The following EYS variants were observed in gnomAD, a reference collection of about 807,000 sequenced individuals.
The protein encoded by EYS is protein eyes shut homolog.
EYS carries 250 observed loss-of-function variants against 282.1 expected under a neutral mutation model. The observed-to-expected ratio is 0.89, with a 90% CI of 0.80 to 0.98. EYS has a LOEUF of 0.98. Among genes scored for constraint, EYS ranks in the 50% least tolerant of loss-of-function variants. The pLI is 0.00. For missense variants in EYS, 4,016 were observed against 3,709.0 expected, an observed-to-expected ratio of 1.08 and a Z score of -2.15; for synonymous variants, 1,355 against 1,282.9, an observed-to-expected ratio of 1.06 and a Z score of -1.20.
chr6:64,421,459 GA>G, intron 28 of EYS, among the ~76,000 whole-genome samples: 1 of 152,094 alleles, frequency 6.6e-6, no homozygotes, highest in Non-Finnish European at 1.5e-5. Context: ...AATTTAGGAT[GA>G]TGTCATTTCT....
intron 22 of EYS, among the ~76,000 whole-genome samples, chr6:64,766,579 C>T (rs1441997394): frequency 7.3e-6 from 1 of 136,220 alleles, no homozygotes; most frequent in Non-Finnish European, 1.6e-5. Context: ...TTGCAGTGAG[C>T]CAAGATCATG....
chr6:65,269,906 A>T (rs1767852271), intron 12 of EYS, among the ~76,000 whole-genome samples: 1 of 152,168 alleles, frequency 6.6e-6, no homozygotes. Flanking sequence ...GAGGGAAAGA[A>T]ATATTCAATT....
intron 11 of EYS, among the ~76,000 whole-genome samples, chr6:65,306,855 A>AAAAAAAAAAAAAAAAAAAAAAAAAC (rs1769023006): frequency 6.8e-6 from 1 of 147,316 alleles, no homozygotes. Context: ...AAAAAAAAAA[A>AAAAAAAAAAAAAAAAAAAAAAAAAC]AAAAAAAGAA....
At chr6:64,350,973 T>G (rs1294106852) in intron 29 of EYS, among the ~76,000 whole-genome samples, 1 of 151,440 alleles carries the variant, frequency 6.6e-6, no homozygotes, top group Non-Finnish European at 1.5e-5. Context: ...CCTGCTGCCA[T>G]GTGTAGAAGG....
intron 5 of EYS, among the ~76,000 whole-genome samples, chr6:65,411,922 T>C (rs954658793): frequency 1.8e-4 from 27 of 152,040 alleles, no homozygotes; most frequent in African/African-American, 6.5e-4. Flanking sequence ...TTTCCAGTTT[T>C]TCACTATTAC....
rs1440308254 is a variant in EYS at position 64,590,341 on chromosome 6, A to C, written c.5526T>G (p.Leu1842=). Residue 1842 remains leucine, a synonymous_variant, in exon 26 of 43, where the codon CTT becomes CTG. Transcript: ENST00000503581. The part of the protein sequence containing the change: ...KTSSEWSKWE[L]QPSVQYQEFP... ...ATTCCTGATATTGCACACTAGGCTG[A>C]AGTTCCCATTTGGACCATTCTGAAG... 6.4e-7 allele frequency: 1 copy of C among 1,551,320 alleles called. No homozygotes were observed. The highest frequency in any genetic ancestry group is 1.2e-5 in the South Asian group (1 of 84,056).
In EYS at chr6:64,440,781, A is replaced by C. The variant is rs1033756259; in HGVS notation, c.5645-1429T>G. On this transcript the variant is annotated intron_variant, in intron 26 of 42. Transcript: ENST00000503581. ...AAGAGCATAAAATGTTTTCAAAAAC[A>C]AACATTACAAGAAGAATATACCCAA... Among the ~76,000 whole-genome samples, 5 of 152,300 alleles carry C rather than the reference A, an allele frequency of 3.3e-5. No individual in the cohort carries two copies. The South Asian group carries it at 6.2e-4, about 19-fold the overall frequency.
At chr6:65,606,473 A>C (rs1328835686) in intron 2 of EYS, among the ~76,000 whole-genome samples, 1 of 151,858 alleles carries the variant, frequency 6.6e-6, no homozygotes, top group African/African-American at 2.4e-5. Context: ...TATAAATAAC[A>C]TTTAGATTAT....
intron 31 of EYS, among the ~76,000 whole-genome samples, chr6:64,185,814 G>A (rs182996506): frequency 2.5e-3 from 383 of 152,206 alleles, no homozygotes; most frequent in Non-Finnish European, 4.1e-3. Flanking sequence ...GTGTCAGAGA[G>A]CTACTTCCAG....
intron 24 of EYS, among the ~76,000 whole-genome samples, chr6:64,605,079 C>T (rs1195686218): frequency 6.6e-6 from 1 of 151,992 alleles, no homozygotes; most frequent in East Asian, 1.9e-4. Context: ...TAATCTAGCA[C>T]ACAATATCAC....
chr6:65,228,713 A>T (rs922416511), intron 12 of EYS, among the ~76,000 whole-genome samples: 9 of 152,072 alleles, frequency 5.9e-5, no homozygotes, highest in African/African-American at 2.2e-4. Context: ...AATGCTACGA[A>T]AAAAATAGTA....
intron 10 of EYS, among the ~76,000 whole-genome samples, chr6:65,343,229 T>C (rs1049498456): frequency 7.3e-5 from 11 of 151,386 alleles, no homozygotes; most frequent in African/African-American, 2.2e-4. Context: ...TTTACAAGGT[T>C]GACTCAATAT....
At chr6:63,912,478 A>T (rs984148533) in intron 35 of EYS, among the ~76,000 whole-genome samples, 1 of 152,208 alleles carries the variant, frequency 6.6e-6, no homozygotes, top group African/African-American at 2.4e-5. Context: ...ACTGTTAATG[A>T]TATATTTTAC....
intron 22 of EYS, among the ~76,000 whole-genome samples, chr6:64,683,344 TA>T (rs34069205): frequency 6.6e-6 from 1 of 151,540 alleles, no homozygotes; most frequent in Non-Finnish European, 1.5e-5. Context: ...TTTAAGGAGT[TA>T]AAAAAAAGGC....
At chr6:65,051,083 C>A (rs187427275) in intron 13 of EYS, among the ~76,000 whole-genome samples, 1 of 151,502 alleles carries the variant, frequency 6.6e-6, no homozygotes, top group African/African-American at 2.4e-5. Flanking sequence ...CTTGTCTATA[C>A]GTAGCTTTAG....
intron 22 of EYS, among the ~76,000 whole-genome samples, chr6:64,763,558 G>T: frequency 6.6e-6 from 1 of 151,860 alleles, no homozygotes; most frequent in Non-Finnish European, 1.5e-5. Flanking sequence ...GATTTTGGTG[G>T]GCACACAGAG....
chr6:65,497,263 T>TGAAGGA (rs1324501215), intron 2 of EYS, among the ~76,000 whole-genome samples: 4 of 152,000 alleles, frequency 2.6e-5, no homozygotes, highest in Non-Finnish European at 4.4e-5. Context: ...AAGAACTCAA[T>TGAAGGA]GAAGGAGACA....
At chr6:65,103,090 A>T (rs1774939248) in intron 12 of EYS, among the ~76,000 whole-genome samples, 1 of 151,388 alleles carries the variant, frequency 6.6e-6, no homozygotes, top group Non-Finnish European at 1.5e-5. Flanking sequence ...TTAGAAAAGC[A>T]AAATCTCTGG....
At chr6:64,951,417 C>A (rs374166340) in intron 14 of EYS, among the ~76,000 whole-genome samples, 40 of 151,982 alleles carry the variant, frequency 2.6e-4, no homozygotes, top group African/African-American at 9.4e-4. Context: ...AATAAAAAAT[C>A]CTCTTTGGAA....
Sources: allele counts gnomAD v4.1 joint callset (sites outside exome capture counted in the v4.1 genomes callset), GRCh38; gene constraint gnomAD v4.1.1; transcripts MANE v1.5; gene names NCBI Gene and HGNC (gene_info 2026-07-23, HGNC 2026-07-21).